IFT80: variants seen among roughly 807,000 people sequenced by gnomAD.
The protein encoded by IFT80 is intraflagellar transport protein 80 homolog.
A neutral mutation model predicts 107.9 loss-of-function variants in IFT80; 79 were observed. That is an observed-to-expected ratio of 0.73 (90% CI 0.61 to 0.88). IFT80 has a LOEUF of 0.88. Ranked by LOEUF, IFT80 falls within the 40% of genes least tolerant of loss-of-function variation. The pLI, the probability that IFT80 is intolerant of heterozygous loss-of-function variation, is 0.00. For missense variants in IFT80, 797 were observed against 914.2 expected (o/e 0.87, Z 1.65); for synonymous variants, 299 against 300.9 (o/e 0.99, Z 0.07).
chr3:160,270,925 C>T (rs951418753), intron 18 of IFT80, among the ~76,000 whole-genome samples: 1 of 152,102 alleles, frequency 6.6e-6, no homozygotes, highest in African/African-American at 2.4e-5. Flanking sequence ...TACATAAAAT[C>T]ATCCATTCTG....
At chr3:160,366,250 G>T in intron 5 of IFT80, 98 bp from the exon 6 acceptor site, 5 of 844,552 alleles carry the variant, frequency 5.9e-6, no homozygotes, top group Non-Finnish European at 9.8e-6. Context: ...AGCCATATGA[G>T]GTGTCATTTC....
At chr3:160,388,801 G>A (rs1190672465) in intron 1 of IFT80, among the ~76,000 whole-genome samples, 3 of 152,198 alleles carry the variant, frequency 2.0e-5, no homozygotes, top group African/African-American at 4.8e-5. Context: ...GTAGAAGAGG[G>A]AAGCAGAAGA....
At chr3:160,304,812 T>C (rs76963797) in intron 10 of IFT80, among the ~76,000 whole-genome samples, 2,455 of 152,306 alleles carry the variant, frequency 0.016, 42 homozygotes, top group Non-Finnish European at 0.02. Context: ...ACTTACATTT[T>C]GTCTGGCAAA....
intron 8 of IFT80, among the ~76,000 whole-genome samples, chr3:160,341,814 C>T (rs1273396701): frequency 6.6e-6 from 1 of 152,178 alleles, no homozygotes; most frequent in African/African-American, 2.4e-5. Context: ...TTTCTGTGTT[C>T]TCCTAGCACT....
intron 12 of IFT80, among the ~76,000 whole-genome samples, chr3:160,298,884 G>A (rs1353252647): frequency 6.6e-6 from 1 of 151,994 alleles, no homozygotes; most frequent in East Asian, 1.9e-4. Context: ...CATAGAAAAA[G>A]GTAATGCACT....
chr3:160,344,190 C>T (rs1489305394), intron 8 of IFT80, among the ~76,000 whole-genome samples: 1 of 151,988 alleles, frequency 6.6e-6, no homozygotes, highest in Non-Finnish European at 1.5e-5. Context: ...GGGTATGTAC[C>T]CTTCTTTTAT....
Position 160,366,169 on chromosome 3 carries a change from G to GAA in IFT80, c.440-19_440-18dup. ...CTGGTGTTCCTGTAAGATGAAAAAAGAAAAAAAAAAGGCTGATAAACTTTA... is the reference window on the plus strand; with the variant it reads ...CTGGTGTTCCTGTAAGATGAAAAAAGAAAAAAAAAAAAGGCTGATAAACTTTA... On this transcript the variant is annotated splice_polypyrimidine_tract_variant and intron_variant, in intron 5 of 19. Transcript: ENST00000326448. 15 of 1,344,750 alleles carry GAA rather than the reference G, an allele frequency of 1.1e-5. No individual in the cohort carries two copies. The highest frequency in any genetic ancestry group is 1.5e-5 in the Non-Finnish European group (15 of 980,606). 83.3% of individuals were successfully genotyped at this position (1,344,750 alleles called of 1,614,324 possible). A position where few individuals can be genotyped will look rare whatever the true frequency, so the allele number is the denominator to read the frequency against.
At chr3:160,386,104 TGGTTTTTACAAGAAA>T (rs1712911090) in intron 1 of IFT80, among the ~76,000 whole-genome samples, 1 of 152,204 alleles carries the variant, frequency 6.6e-6, no homozygotes, top group Non-Finnish European at 1.5e-5. Context: ...AGAAGCAGTA[TGGTTTTTACAAGAAA>T]GGAATCACTA....
chr3:160,358,314 C>T (rs937494884), intron 6 of IFT80, among the ~76,000 whole-genome samples: 3 of 150,154 alleles, frequency 2.0e-5, no homozygotes, highest in African/African-American at 7.4e-5. Flanking sequence ...TGTTCAGCCC[C>T]CCTCAACCAT....
intron 6 of IFT80, among the ~76,000 whole-genome samples, chr3:160,359,451 G>A (rs941224104): frequency 6.6e-6 from 1 of 152,150 alleles, no homozygotes; most frequent in South Asian, 2.1e-4. Flanking sequence ...GGTGATTTCT[G>A]CATTTTCAAC....
At chr3:160,325,747 A>G (rs1718635459) in intron 8 of IFT80, among the ~76,000 whole-genome samples, 1 of 152,158 alleles carries the variant, frequency 6.6e-6, no homozygotes, top group Non-Finnish European at 1.5e-5. Context: ...ACATAGCAGA[A>G]AGATAATTTT....
intron 8 of IFT80, among the ~76,000 whole-genome samples, chr3:160,338,239 C>A (rs181482049): frequency 2.0e-5 from 3 of 152,264 alleles, no homozygotes; most frequent in East Asian, 3.9e-4. Flanking sequence ...AAACTCTGAG[C>A]AGACAGAGAA....
chr3:160,271,422 A>G (rs984876859), intron 18 of IFT80, among the ~76,000 whole-genome samples: 1 of 152,160 alleles, frequency 6.6e-6, no homozygotes, highest in Non-Finnish European at 1.5e-5. Flanking sequence ...TGTATAACTG[A>G]GATCAGAAAT....
intron 12 of IFT80, among the ~76,000 whole-genome samples, chr3:160,294,872 A>G (rs551696035): frequency 6.6e-6 from 1 of 152,328 alleles, no homozygotes; most frequent in Admixed American, 6.5e-5. Context: ...AGGAAAAGGC[A>G]TACACGCAAA....
At chr3:160,311,812 T>C (rs1312213781) in intron 9 of IFT80, among the ~76,000 whole-genome samples, 1 of 152,204 alleles carries the variant, frequency 6.6e-6, no homozygotes. Context: ...AGTCTCGCAC[T>C]GTCTCCTGGG....
At chr3:160,314,946 A>C (rs553416841) in intron 9 of IFT80, among the ~76,000 whole-genome samples, 3 of 152,154 alleles carry the variant, frequency 2.0e-5, no homozygotes, top group African/African-American at 7.2e-5. Flanking sequence ...AGGAAAAAGG[A>C]ACACAAAATC....
chr3:160,278,588 CAT>C (rs1266713262), intron 16 of IFT80, among the ~76,000 whole-genome samples: 6 of 152,136 alleles, frequency 3.9e-5, no homozygotes, highest in Non-Finnish European at 7.4e-5. Flanking sequence ...AACCTACCCA[CAT>C]GTGTCCGTCC....
intron 8 of IFT80, among the ~76,000 whole-genome samples, chr3:160,347,943 A>C (rs1720414511): frequency 6.6e-6 from 1 of 152,186 alleles, no homozygotes; most frequent in African/African-American, 2.4e-5. Flanking sequence ...GGATATGTGC[A>C]TCTGACATTT....
At chr3:160,297,116 T>A (rs11712045) in intron 12 of IFT80, among the ~76,000 whole-genome samples, 5,391 of 152,242 alleles carry the variant, frequency 0.035, 122 homozygotes, top group East Asian at 0.083. Context: ...GTTGTAAAAA[T>A]TGCAGGAGAT....
Sources: allele counts gnomAD v4.1 joint callset (sites outside exome capture counted in the v4.1 genomes callset), GRCh38; gene constraint gnomAD v4.1.1; transcripts MANE v1.5; gene names NCBI Gene and HGNC (gene_info 2026-07-23, HGNC 2026-07-21).